Variants in WDPCP observed in about 807,000 individuals in gnomAD.
The protein encoded by WDPCP is WD repeat-containing and planar cell polarity effector protein fritz homolog.
A neutral mutation model predicts 93.1 loss-of-function variants in WDPCP; 71 were observed. The observed-to-expected ratio is 0.76, with a 90% CI of 0.63 to 0.93. The LOEUF is 0.93. Ranked by LOEUF, WDPCP falls within the 40% of genes least tolerant of loss-of-function variation. WDPCP has a pLI of 0.00. For missense variants in WDPCP, 844 were observed against 887.4 expected (o/e 0.95, Z 0.62); for synonymous variants, 315 against 315.0 (o/e 1.00, Z 0.00).
chr2:63,466,436 A>T (rs1412147019), intron 6 of WDPCP, among the ~76,000 whole-genome samples: 1 of 152,196 alleles, frequency 6.6e-6, no homozygotes, highest in Non-Finnish European at 1.5e-5. Flanking sequence ...TATCACGAAT[A>T]TAAATTTGCT....
At chr2:63,326,068 T>C (rs1281777964) in intron 12 of WDPCP, among the ~76,000 whole-genome samples, 2 of 152,166 alleles carry the variant, frequency 1.3e-5, no homozygotes, top group African/African-American at 2.4e-5. Context: ...GGAAAGGATC[T>C]CACTGTCTGG....
intron 10 of WDPCP, among the ~76,000 whole-genome samples, chr2:63,391,522 T>C (rs980487742): frequency 2.0e-5 from 3 of 150,754 alleles, no homozygotes; most frequent in Admixed American, 6.6e-5. Context: ...ATTCAACATA[T>C]TGGAAGTTCT....
At chr2:63,447,038 G>A (rs547406840) in intron 6 of WDPCP, among the ~76,000 whole-genome samples, 6 of 152,236 alleles carry the variant, frequency 3.9e-5, no homozygotes, top group South Asian at 2.1e-4. Flanking sequence ...AATAAATGGA[G>A]ATAACATAAA....
At chr2:63,718,517 A>AT (rs1465154627) in intron 2 of WDPCP, among the ~76,000 whole-genome samples, 1 of 151,990 alleles carries the variant, frequency 6.6e-6, no homozygotes, top group Non-Finnish European at 1.5e-5. Context: ...GACGTAGAGC[A>AT]TTTTTTCATG....
At chr2:63,565,634 G>C (rs976280961) in intron 1 of WDPCP, among the ~76,000 whole-genome samples, 1 of 152,086 alleles carries the variant, frequency 6.6e-6, no homozygotes, top group African/African-American at 2.4e-5. Flanking sequence ...TATATTGATA[G>C]ATAATCTTAA....
intron 14 of WDPCP, chr2:63,228,453 T>C (rs1471481572): frequency 1.3e-5 from 2 of 151,216 alleles, no homozygotes; most frequent in Non-Finnish European, 3.0e-5. Flanking sequence ...TTATTTTACT[T>C]TAAGTTTTAG....
At chr2:63,744,603 T>G (rs559189959) in intron 2 of WDPCP, among the ~76,000 whole-genome samples, 25 of 152,194 alleles carry the variant, frequency 1.6e-4, no homozygotes, top group African/African-American at 5.5e-4. Context: ...CGTAAACAAA[T>G]AAAAGAAACA....
At chr2:63,532,620 G>A (rs925377737) in intron 1 of WDPCP, among the ~76,000 whole-genome samples, 9 of 152,314 alleles carry the variant, frequency 5.9e-5, no homozygotes, top group Admixed American at 5.9e-4. Flanking sequence ...AGCTTCATAA[G>A]TGAAGGAGAA....
intron 2 of WDPCP, among the ~76,000 whole-genome samples, chr2:63,653,980 A>G (rs1335340349): frequency 1.3e-5 from 2 of 152,074 alleles, no homozygotes; most frequent in African/African-American, 2.4e-5. Flanking sequence ...GAGAAAAATC[A>G]GTTGATAGAA....
At chr2:63,293,133 T>C (rs1575075909) in intron 13 of WDPCP, among the ~76,000 whole-genome samples, 1 of 152,306 alleles carries the variant, frequency 6.6e-6, no homozygotes, top group East Asian at 1.9e-4. Context: ...CTGAAGTGAC[T>C]TGTAGTAGAT....
intron 3 of WDPCP, among the ~76,000 whole-genome samples, chr2:63,615,554 C>T (rs1263559813): frequency 6.6e-6 from 1 of 152,128 alleles, no homozygotes; most frequent in African/African-American, 2.4e-5. Context: ...ATAAGATACC[C>T]CCTCCCCACT....
At chr2:63,122,437 T>C (rs1317907342) in intron 17 of WDPCP, among the ~76,000 whole-genome samples, 1 of 152,212 alleles carries the variant, frequency 6.6e-6, no homozygotes, top group Non-Finnish European at 1.5e-5. Flanking sequence ...TATTTCCTAA[T>C]TTTGGTGTTT....
chr2:63,343,213 G>A (rs1688966941), intron 12 of WDPCP, among the ~76,000 whole-genome samples: 1 of 151,368 alleles, frequency 6.6e-6, no homozygotes, highest in Non-Finnish European at 1.5e-5. Context: ...TTGCCATGTT[G>A]GCCAGGCTGG....
rs531687611 is a variant in WDPCP, at chr2:63,607,948, T to TA, written n.488+42710dup. Among the ~76,000 whole-genome samples, 296 of 152,262 alleles carry TA rather than the reference T, an allele frequency of 1.9e-3. 2 individuals carry two copies. Among genetic ancestry groups the TA allele is most frequent in the African/African-American group, 6.5e-3 (272 of 41,558 alleles). ...GGGGAAGGCAGTAAGGCTAGAAAGA[T>TA]AAAGCATAAATCTCGTATTTAAATA... On this transcript the variant is annotated intron_variant and non_coding_transcript_variant, in intron 3 of 4. Transcript: ENST00000467687.
intron 1 of WDPCP, among the ~76,000 whole-genome samples, chr2:63,821,249 C>G (rs1671013591): frequency 6.6e-6 from 1 of 152,070 alleles, no homozygotes; most frequent in Non-Finnish European, 1.5e-5. Flanking sequence ...GGAGTCTGAA[C>G]TTGGAGGTGT....
rs1296551663 is a variant in WDPCP at position 63,588,304 on chromosome 2, G to A, written c.-33C>T. 4 of 1,560,394 alleles carry A rather than the reference G, an allele frequency of 2.6e-6. No individual in the cohort carries two copies. The highest frequency in any genetic ancestry group is 4.8e-5 in the East Asian group (2 of 41,384). ...CACTACCCCGGGCAGAAGGTTCCTA[G>A]GCTAGGTCCTCGGACCCGAGAGGGA... On this transcript the variant is annotated 5_prime_UTR_variant, in exon 1 of 18. Coordinates refer to ENST00000272321, the MANE Select transcript of WDPCP (RefSeq NM_015910.7).
upstream of WDPCP, chr2:63,593,693 C>G: frequency 2.1e-6 from 1 of 471,348 alleles, no homozygotes; most frequent in Non-Finnish European, 4.4e-6. Flanking sequence ...AATGGTTCAC[C>G]TTAACTGAAT....
intron 13 of WDPCP, among the ~76,000 whole-genome samples, chr2:63,300,968 G>C (rs1685287008): frequency 6.6e-6 from 1 of 152,016 alleles, no homozygotes; most frequent in African/African-American, 2.4e-5. Context: ...CTCTGTCCTT[G>C]GTCTGTAGAG....
intron 2 of WDPCP, among the ~76,000 whole-genome samples, chr2:63,721,944 C>G (rs1288323816): frequency 1.3e-5 from 2 of 152,076 alleles, no homozygotes; most frequent in Non-Finnish European, 2.9e-5. Context: ...TTGGCCAGGC[C>G]GGTCTCCAGC....
Sources: gnomAD v4.1 joint callset for allele counts (sites outside exome capture counted in the v4.1 genomes callset) on GRCh38, gnomAD v4.1.1 for gene constraint, MANE v1.5 for transcripts, NCBI Gene and HGNC (gene_info 2026-07-23, HGNC 2026-07-21) for gene names.